The following CLEC9A variants were observed in gnomAD, a reference collection of about 807,000 sequenced individuals.
CLEC9A encodes the protein C-type lectin domain family 9 member A.
Under a neutral mutation model 30.0 loss-of-function variants are expected in CLEC9A, and 24 were observed. The observed-to-expected ratio is 0.80, with a 90% confidence interval of 0.58 to 1.13. CLEC9A has a LOEUF of 1.13. Ranked by LOEUF, CLEC9A falls within the 50% of genes most tolerant of loss-of-function variation. The probability of loss-of-function intolerance (pLI) is 0.00; values close to 1 mark genes in which losing one functional copy is unlikely to be tolerated. For synonymous variants in CLEC9A, 111 were observed against 96.8 expected (o/e 1.15, Z -0.86); for missense variants, 251 against 280.9 (o/e 0.89, Z 0.76).
At chr12:10,062,733 A>T (rs115781138) in intron 6 of CLEC9A, among the ~76,000 whole-genome samples, 4,395 of 152,332 alleles carry the variant, frequency 0.029, 212 homozygotes, top group African/African-American at 0.099. Flanking sequence ...ACAAGTGAAG[A>T]CAATAAATGA....
At position 10,052,747 on chromosome 12, in the gene CLEC9A, C is replaced by T. The variant is rs768649628; in HGVS notation, c.60C>T (p.Tyr20=). 6.2e-7 allele frequency: 1 copy of T among 1,613,868 alleles called. No individual in the cohort carries two copies. The highest frequency in any genetic ancestry group is 1.1e-5 in the South Asian group (1 of 91,078). Residue 20 remains tyrosine, a synonymous_variant, in exon 4 of 9, where the codon TAC becomes TAT. Coordinates refer to ENST00000355819, the MANE Select transcript of CLEC9A (RefSeq NM_207345.4). The stretch of plus-strand genomic sequence containing the variant: ...GGGATAGCCCAGCACCAGACACTTA[C>T]CAGAAATGTCTGTCTTCCAACAAAT... The part of the protein sequence containing the change: ...LQWDSPAPDT[Y]QKCLSSNKCS...
intron 1 of CLEC9A, among the ~76,000 whole-genome samples, chr12:10,032,389 C>CTT (rs10647036): frequency 0.52 from 61,311 of 117,076 alleles, 17,608 homozygotes; most frequent in Middle Eastern, 0.72. Context: ...TTAGGGATTT[C>CTT]TTTTTTTTTT....
At chr12:10,041,662 A>G in intron 2 of CLEC9A, 42 bp downstream of exon 2, 1 of 524,816 alleles carries the variant, frequency 1.9e-6, no homozygotes. Flanking sequence ...GGCAAGGGAG[A>G]AAACTCTCAA....
chr12:10,060,078 A>G (rs927165129), intron 5 of CLEC9A, among the ~76,000 whole-genome samples: 1 of 152,272 alleles, frequency 6.6e-6, no homozygotes, highest in African/African-American at 2.4e-5. Flanking sequence ...CTGCAGAGAA[A>G]GCGGATCACT....
chr12:10,031,926 G>A (rs552332394), intron 1 of CLEC9A, among the ~76,000 whole-genome samples: 16 of 152,064 alleles, frequency 1.1e-4, no homozygotes, highest in Non-Finnish European at 2.4e-4. Flanking sequence ...ATTCCAAGTA[G>A]AAGGGGAAGT....
chr12:10,032,049 T>C (rs1954347048), intron 1 of CLEC9A, among the ~76,000 whole-genome samples: 2 of 152,106 alleles, frequency 1.3e-5, no homozygotes, highest in Admixed American at 6.6e-5. Flanking sequence ...AAAACAACAA[T>C]GAGAAACCAC....
At chr12:10,037,183 T>C (rs868662633) in intron 1 of CLEC9A, among the ~76,000 whole-genome samples, 19 of 152,306 alleles carry the variant, frequency 1.2e-4, no homozygotes, top group African/African-American at 4.1e-4. Context: ...GTGGTCATAG[T>C]AGTAGGTAAA....
intron 1 of CLEC9A, 94 bp from the exon 2 acceptor site, chr12:10,041,372 G>A (rs1865796345): frequency 3.9e-6 from 1 of 253,472 alleles, no homozygotes; most frequent in East Asian, 1.1e-4. Flanking sequence ...GGTAACTGAA[G>A]GGAGTCTTGG....
chr12:10,042,176 T>C (rs550632452), intron 2 of CLEC9A, among the ~76,000 whole-genome samples: 1 of 152,314 alleles, frequency 6.6e-6, no homozygotes, highest in South Asian at 2.1e-4. Flanking sequence ...TAGAAAGGTA[T>C]AGTTGAATTT....
intron 4 of CLEC9A, 43 bp downstream of exon 4, chr12:10,052,821 G>GTTTTTTT: frequency 7.2e-7 from 1 of 1,382,430 alleles, no homozygotes. Flanking sequence ...TAGAGTTCAT[G>GTTTTTTT]TTTTTTTTTT....
intron 2 of CLEC9A, among the ~76,000 whole-genome samples, chr12:10,044,137 A>G (rs1006487762): frequency 3.9e-5 from 6 of 152,166 alleles, no homozygotes; most frequent in African/African-American, 1.4e-4. Context: ...GATAATTCCA[A>G]TGTCCATTAG....
At chr12:10,054,445 G>T in intron 5 of CLEC9A, 94 bp downstream of exon 5, 1 of 778,184 alleles carries the variant, frequency 1.3e-6, no homozygotes, top group Non-Finnish European at 2.0e-6. Context: ...ATATGTGAAT[G>T]CACATAAATG....
chr12:10,031,440 CCT>C (rs1865695005), intron 1 of CLEC9A, among the ~76,000 whole-genome samples: 1 of 152,162 alleles, frequency 6.6e-6, no homozygotes, highest in Non-Finnish European at 1.5e-5. Flanking sequence ...ATTTCTTACT[CCT>C]CTGTTGATTT....
intron 1 of CLEC9A, among the ~76,000 whole-genome samples, chr12:10,034,312 T>C (rs763312085): frequency 6.6e-6 from 1 of 152,164 alleles, no homozygotes; most frequent in Non-Finnish European, 1.5e-5. Context: ...TGGATTATCT[T>C]AAAAAAAGGA....
chr12:10,037,225 T>G (rs1019762780), intron 1 of CLEC9A, among the ~76,000 whole-genome samples: 1 of 152,144 alleles, frequency 6.6e-6, no homozygotes, highest in African/African-American at 2.4e-5. Context: ...AAGTAAAAAT[T>G]GACAGAAGCA....
chr12:10,059,713 CCTGAGCAAGAAGGT>C (rs2137313041), intron 5 of CLEC9A, among the ~76,000 whole-genome samples: 1 of 152,094 alleles, frequency 6.6e-6, no homozygotes, highest in East Asian at 1.9e-4. Context: ...TCAAGACCAT[CCTGAGCAAGAAGGT>C]GAGACCCCAT....
intron 1 of CLEC9A, among the ~76,000 whole-genome samples, chr12:10,034,478 T>A (rs1865727304): frequency 6.6e-6 from 1 of 152,236 alleles, no homozygotes. Flanking sequence ...ATTATGTTGA[T>A]CTTTGCTTTC....
At chr12:10,062,500 T>C (rs768775984) in intron 6 of CLEC9A, among the ~76,000 whole-genome samples, 1 of 152,260 alleles carries the variant, frequency 6.6e-6, no homozygotes, top group Non-Finnish European at 1.5e-5. Context: ...AAACTAAGCA[T>C]ATTGTTCATT....
chr12:10,064,603 T>C (rs921478971), intron 7 of CLEC9A, 129 bp from the exon 8 acceptor site: 2 of 946,200 alleles, frequency 2.1e-6, no homozygotes, highest in South Asian at 1.9e-5. Flanking sequence ...TTTATAATAC[T>C]CCCTTCTCTC....
Sources: allele counts gnomAD v4.1 joint callset (sites outside exome capture counted in the v4.1 genomes callset), GRCh38; gene constraint gnomAD v4.1.1; transcripts MANE v1.5; gene names NCBI Gene and HGNC (gene_info 2026-07-23, HGNC 2026-07-21).